The following DLGAP2 variants were observed in gnomAD, a reference collection of about 807,000 sequenced individuals.
DLGAP2 encodes disks large-associated protein 2.
A neutral mutation model predicts 100.3 loss-of-function variants in DLGAP2; 26 were observed. That is an observed-to-expected ratio of 0.26 (90% confidence interval 0.19 to 0.36). DLGAP2 has a LOEUF of 0.36. Ranked by LOEUF, DLGAP2 falls within the 10% of genes least tolerant of loss-of-function variation. The pLI, the probability that DLGAP2 is intolerant of heterozygous loss-of-function variation, is 1.00. For missense variants in DLGAP2, 1,858 were observed against 1,453.2 expected (o/e 1.28, Z -4.53); for synonymous variants, 886 against 630.1 (o/e 1.41, Z -6.08).
chr8:822,395 G>A (rs1796599758), intron 1 of DLGAP2, among the ~76,000 whole-genome samples: 2 of 152,226 alleles, frequency 1.3e-5, no homozygotes, highest in Admixed American at 6.5e-5. Flanking sequence ...TGGGGCAGAA[G>A]CAGGAGAGGC....
At chr8:983,024 C>G (rs909487351) in intron 2 of DLGAP2, among the ~76,000 whole-genome samples, 4 of 151,796 alleles carry the variant, frequency 2.6e-5, no homozygotes, top group Admixed American at 6.6e-5. Context: ...AGATAGGGAG[C>G]TGTTTGAAAA....
intron 2 of DLGAP2, among the ~76,000 whole-genome samples, chr8:1,202,296 A>ACG (rs1797896146): frequency 6.7e-6 from 1 of 149,324 alleles, no homozygotes; most frequent in African/African-American, 2.5e-5. Flanking sequence ...TATGTAGTAT[A>ACG]TGTGTGTGTG....
chr8:1,307,379 G>A (rs1190631509), intron 3 of DLGAP2, among the ~76,000 whole-genome samples: 1 of 152,190 alleles, frequency 6.6e-6, no homozygotes, highest in Admixed American at 6.5e-5. Flanking sequence ...ACAGGTGTTG[G>A]CAAGGATGTG....
At chr8:1,321,960 T>C (rs1204730988) in intron 3 of DLGAP2, among the ~76,000 whole-genome samples, 1 of 152,202 alleles carries the variant, frequency 6.6e-6, no homozygotes, top group Non-Finnish European at 1.5e-5. Context: ...TATGTTGTGG[T>C]TTAAAATCTA....
At position 1,112,237 on chromosome 8, in the gene DLGAP2, AT is replaced by A. The variant is rs4044488; in HGVS notation, c.74-146593del. Among the ~76,000 whole-genome samples, 437 of 98,004 alleles carry A rather than the reference AT, an allele frequency of 4.5e-3. 1 individual carries two copies. The highest frequency in any genetic ancestry group is 0.01 in the East Asian group (35 of 3,362). 64.3% of individuals were successfully genotyped at this position (98,004 alleles called of 152,430 possible). ...AAAAGTGTGTTCATGTCCTTTGCCC[AT>A]TTTTTTTTTTTTTTTTTTTTGAGAC... On this transcript the variant is annotated intron_variant, in intron 2 of 14. Coordinates refer to ENST00000637795, the MANE Select transcript of DLGAP2 (RefSeq NM_001346810.2).
intron 2 of DLGAP2, among the ~76,000 whole-genome samples, chr8:1,219,939 C>A (rs1471887245): frequency 6.6e-6 from 1 of 151,662 alleles, no homozygotes; most frequent in South Asian, 2.1e-4. Flanking sequence ...TTTTGTATTT[C>A]TGTGGAATCA....
chr8:1,244,571 T>C (rs1335295856), intron 2 of DLGAP2, among the ~76,000 whole-genome samples: 2 of 150,306 alleles, frequency 1.3e-5, no homozygotes, highest in African/African-American at 4.9e-5. Context: ...ACAAATGGTA[T>C]TGGGGCAACT....
intron 1 of DLGAP2, among the ~76,000 whole-genome samples, chr8:860,053 TG>T (rs1797360328): frequency 6.6e-6 from 1 of 152,230 alleles, no homozygotes; most frequent in Non-Finnish European, 1.5e-5. Flanking sequence ...ATACTAAATT[TG>T]GTTTTAGGTT....
intron 1 of DLGAP2, among the ~76,000 whole-genome samples, chr8:843,071 C>T (rs2132719117): frequency 6.6e-6 from 1 of 152,212 alleles, no homozygotes; most frequent in African/African-American, 2.4e-5. Flanking sequence ...TGTTATTCGG[C>T]TTTTTTGTTT....
intron 1 of DLGAP2, among the ~76,000 whole-genome samples, chr8:762,586 C>A (rs951774727): frequency 2.6e-5 from 4 of 152,116 alleles, no homozygotes; most frequent in South Asian, 2.1e-4. Flanking sequence ...TTCTGCTTGC[C>A]ACCTGGGCAG....
intron 2 of DLGAP2, among the ~76,000 whole-genome samples, chr8:1,083,321 CG>C (rs1461686803): frequency 6.6e-6 from 1 of 152,178 alleles, no homozygotes; most frequent in Non-Finnish European, 1.5e-5. Flanking sequence ...TAATTCTTCA[CG>C]GGCTGAAGGC....
intron 2 of DLGAP2, chr8:927,119 A>G: frequency 1.0e-6 from 1 of 985,434 alleles, no homozygotes; most frequent in Non-Finnish European, 1.2e-6. Flanking sequence ...CTTCGGAGCA[A>G]ACTAATCGAT....
At chr8:1,530,043 G>C (rs1202948042) in intron 4 of DLGAP2, among the ~76,000 whole-genome samples, 1 of 152,228 alleles carries the variant, frequency 6.6e-6, no homozygotes, top group Non-Finnish European at 1.5e-5. Flanking sequence ...AATTAAAATT[G>C]CTAATGAAGT....
chr8:1,030,697 G>A (rs905582538), intron 2 of DLGAP2, among the ~76,000 whole-genome samples: 3 of 152,206 alleles, frequency 2.0e-5, no homozygotes, highest in Non-Finnish European at 4.4e-5. Context: ...TTGCTTTGCA[G>A]TTTTGCTTCA....
intron 3 of DLGAP2, among the ~76,000 whole-genome samples, chr8:1,424,233 C>T (rs4404941): frequency 3.3e-5 from 5 of 152,168 alleles, no homozygotes; most frequent in Non-Finnish European, 1.5e-5. Context: ...GTTTGGCATA[C>T]GTAAGAAAGT....
Position 881,666 on chromosome 8 carries a change from A to ATATATAT in DLGAP2, c.19-26246_19-26245insTATATAT. Among the ~76,000 whole-genome samples the ATATATAT allele has an allele frequency of 1.7e-4, 22 of 131,044 alleles. 2 individuals are homozygous for ATATATAT. The highest frequency in any genetic ancestry group is 9.6e-4 in the South Asian group (4 of 4,166). The allele number at this position is 131,044 out of a possible 152,430, so 86.0% of individuals were successfully genotyped here. A position where few individuals can be genotyped will look rare whatever the true frequency, so the allele number is the denominator to read the frequency against. ...AGGCGCACGCCACCACTTGTGGCTG[A>ATATATAT]ACACACACACACACACTTTTTTTTT... On this transcript the variant is annotated intron_variant, in intron 1 of 14. Coordinates refer to ENST00000637795, the MANE Select transcript of DLGAP2 (RefSeq NM_001346810.2).
chr8:1,284,554 C>G (rs1053278065), intron 3 of DLGAP2, among the ~76,000 whole-genome samples: 1 of 152,170 alleles, frequency 6.6e-6, no homozygotes, highest in East Asian at 1.9e-4. Flanking sequence ...TTGCCTGTTT[C>G]TCTCAATTCT....
intron 2 of DLGAP2, among the ~76,000 whole-genome samples, chr8:1,066,194 C>G (rs1803243081): frequency 6.6e-6 from 1 of 150,958 alleles, no homozygotes; most frequent in Non-Finnish European, 1.5e-5. Context: ...ACGGTCAGGT[C>G]TGAGTGAGGA....
intron 3 of DLGAP2, among the ~76,000 whole-genome samples, chr8:1,324,422 C>T (rs937718872): frequency 6.6e-6 from 1 of 152,196 alleles, no homozygotes; most frequent in African/African-American, 2.4e-5. Flanking sequence ...ATAAAATGCA[C>T]ATGATTTCGT....
Sources: gnomAD v4.1 joint callset for allele counts (sites outside exome capture counted in the v4.1 genomes callset) on GRCh38, gnomAD v4.1.1 for gene constraint, MANE v1.5 for transcripts, NCBI Gene and HGNC (gene_info 2026-07-23, HGNC 2026-07-21) for gene names.